The following RELB variants were observed in gnomAD, a reference collection of about 807,000 sequenced individuals.
The protein encoded by RELB is transcription factor RelB.
RELB carries 14 observed loss-of-function variants against 55.4 expected under a neutral mutation model. That is an observed-to-expected ratio of 0.25 (90% CI 0.17 to 0.40). RELB has a LOEUF of 0.40. Among genes scored for constraint, RELB ranks in the 10% least tolerant of loss-of-function variants. RELB has a pLI of 1.00. For synonymous variants in RELB, 409 were observed against 371.3 expected, an observed-to-expected ratio of 1.10 and a Z score of -1.17; for missense variants, 669 against 830.7, an observed-to-expected ratio of 0.81 and a Z score of 2.39.
chr19:45,015,342 G>A (rs1459296348), intron 4 of RELB, among the ~76,000 whole-genome samples: 1 of 152,160 alleles, frequency 6.6e-6, no homozygotes, highest in Non-Finnish European at 1.5e-5. Flanking sequence ...CAGGTACTTT[G>A]CATACCTATT....
At chr19:45,011,797 T>TGTGAGAGAGAGAGAGAGAGAGAGA in intron 3 of RELB, 139 bp from the exon 4 acceptor site, 3 of 68,094 alleles carry the variant, frequency 4.4e-5, no homozygotes, top group East Asian at 3.7e-4. Flanking sequence ...TGTGTGTGTG[T>TGTGAGAGAGAGAGAGAGAGAGAGA]GAGAGAGAGA....
Position 45,032,540 on chromosome 19 carries a change from T to C in RELB, c.998T>C (p.Ile333Thr). Residue 333 changes from isoleucine to threonine, a missense_variant, in exon 9 of 12, where the codon ATA becomes ACA. Around this residue, in one of 3 missense-constraint regions of RELB, gnomAD observed 341 missense variants for 436.8 expected, o/e 0.78. Coordinates refer to ENST00000221452, the MANE Select transcript of RELB (RefSeq NM_006509.4). ...LLCDKVQKED[I>T]SVVFSRASWE... ...GTCCCCCGTTTCCTGCCAGAGGACATATCAGTGGTGTTCAGCAGGGCCTCC... is the reference window on the plus strand; with the variant it reads ...GTCCCCCGTTTCCTGCCAGAGGACACATCAGTGGTGTTCAGCAGGGCCTCC... 2 of 1,612,158 alleles carry C rather than the reference T, an allele frequency of 1.2e-6. No individual in the cohort carries two copies. The highest frequency in any genetic ancestry group is 1.7e-6 in the Non-Finnish European group (2 of 1,179,242).
Position 45,030,191 on chromosome 19 carries a change from C to T in RELB, c.991+1199C>T, listed in dbSNP as rs117781081. Among the ~76,000 whole-genome samples the T allele has an allele frequency of 4.7e-4, 70 of 149,940 alleles. No homozygotes were observed. In the South Asian group the frequency reaches 6.8e-3, roughly 14 times the overall value. The stretch of plus-strand genomic sequence containing the variant: ...CAAAAAATCAAAACCAAAAACAAAC[C>T]GGCTGGGCTGGTGGCTCATGCCTGT... On this transcript the variant is annotated intron_variant, in intron 8 of 11. Coordinates refer to ENST00000221452, the MANE Select transcript of RELB (RefSeq NM_006509.4).
chr19:45,003,048 G>T (rs1971234270), intron 2 of RELB, 52 bp downstream of exon 2: 1 of 1,553,250 alleles, frequency 6.4e-7, no homozygotes, highest in Non-Finnish European at 8.8e-7. Context: ...GATGAGGTTG[G>T]GAGGACTCCA....
intron 3 of RELB, 38 bp from the exon 4 acceptor site, chr19:45,011,898 A>T: frequency 2.3e-6 from 3 of 1,295,816 alleles, no homozygotes; most frequent in Non-Finnish European, 3.1e-6. Context: ...AATTTTTTAA[A>T]GAATGGGCGT....
At position 45,036,397 on chromosome 19, in the gene RELB, T is replaced by A. The variant is rs368792941; in HGVS notation, c.1355-1008T>A. Among the ~76,000 whole-genome samples the A allele has an allele frequency of 9.9e-5, 15 of 152,120 alleles. No individual in the cohort carries two copies. The East Asian group carries it at 1.9e-3, about 20-fold the overall frequency. ...CTGAGAATCCCTCTTATAATGAAAC[T>A]TTTTGATTTGATTGTTATTTTTTCT... On this transcript the variant is annotated intron_variant, in intron 11 of 11. Transcript: ENST00000221452.
At chr19:45,008,789 C>T in intron 2 of RELB, 1 of 306,616 alleles carries the variant, frequency 3.3e-6, no homozygotes, top group South Asian at 2.7e-5. Flanking sequence ...CTGGCTGCAG[C>T]TGCCTTCCGT....
In RELB at chr19:45,038,092, T is replaced by G; in HGVS notation, c.*302T>G. 1 of 310,678 alleles carries G rather than the reference T, an allele frequency of 3.2e-6. No individual in the cohort carries two copies. The highest frequency in any genetic ancestry group is 5.9e-6 in the Non-Finnish European group (1 of 170,208). The allele number at this position is 310,678 out of a possible 1,614,324, so 19.2% of individuals were successfully genotyped here. On this transcript the variant is annotated 3_prime_UTR_variant, in exon 12 of 12. Coordinates refer to ENST00000221452, the MANE Select transcript of RELB (RefSeq NM_006509.4). ...TAGGATTCGGAAAAGATTGTACATA[T>G]GGGAGGAGGGGGCAGATTCCTGGCC...
intron 3 of RELB, 70 bp from the exon 4 acceptor site, chr19:45,011,866 T>A: frequency 1.0e-6 from 1 of 994,362 alleles, no homozygotes; most frequent in Admixed American, 4.3e-5. Context: ...TCGGGGGTAA[T>A]CAAGCCTTTT....
intron 8 of RELB, among the ~76,000 whole-genome samples, chr19:45,031,317 G>T (rs1002860770): frequency 5.9e-5 from 9 of 151,850 alleles, no homozygotes; most frequent in Non-Finnish European, 1.3e-4. Context: ...TAGAGACAAG[G>T]TCTTGCTGTG....
intron 8 of RELB, among the ~76,000 whole-genome samples, chr19:45,031,736 C>T (rs62117227): frequency 0.25 from 38,414 of 151,008 alleles, 5,300 homozygotes; most frequent in South Asian, 0.31. Context: ...CCACCATGCC[C>T]GGCTAATTTT....
chr19:45,011,756 C>CTGTGTGTGTGTGTGTGTGTGTGTGTG, intron 3 of RELB, among the ~76,000 whole-genome samples, 180 bp from the exon 4 acceptor site: 1 of 59,898 alleles, frequency 1.7e-5, no homozygotes, highest in Non-Finnish European at 3.2e-5. Context: ...CTCCCTGACT[C>CTGTGTGTGTGTGTGTGTGTGTGTGTG]TGTGTGTGTG....
chr19:45,023,561 G>A (rs929026659), intron 5 of RELB, among the ~76,000 whole-genome samples: 2 of 140,262 alleles, frequency 1.4e-5, no homozygotes, highest in African/African-American at 5.4e-5. Flanking sequence ...CCTCAGCCTC[G>A]CAAGTAGCTG....
In RELB at chr19:45,002,949, G is replaced by T. The variant is rs754937434; in HGVS notation, c.107G>T (p.Gly36Val). ...PPAAPELGALGSPDLSSLSLA... is the reference protein window; with the variant it reads ...PPAAPELGALVSPDLSSLSLA... The stretch of plus-strand genomic sequence containing the variant: ...CTGAGACGTTTCTCCTTCTCTGCAG[G>T]GTCCCCCGACCTCTCCTCACTCTCG... The change falls in exon 2 of 12, where the codon GGG becomes GTG. Residue 36 changes from glycine to valine, a missense_variant and splice_region_variant. By Grantham distance (109) the Gly-to-Val change is moderately radical (BLOSUM62 -3). This residue lies in a region of RELB where 323 missense variants were observed against 368.5 expected (regional missense o/e 0.88). Coordinates refer to ENST00000221452, the MANE Select transcript of RELB (RefSeq NM_006509.4). 3 of 1,612,986 alleles carry T rather than the reference G, an allele frequency of 1.9e-6. No homozygotes were observed. In the African/African-American group the frequency reaches 4.0e-5, roughly 22 times the overall value.
At position 45,025,429 on chromosome 19, in the gene RELB, C is replaced by G; in HGVS notation, c.754+9C>G. ...CATTGACCCCTACAACGGTGAGCAC[C>G]CCCTGCCTGACCTGACCATCCCGTC... is the stretch of plus-strand genomic sequence containing the variant. On this transcript the variant is annotated intron_variant, in intron 6 of 11. Transcript: ENST00000221452. 6.2e-7 allele frequency: 1 copy of G among 1,607,808 alleles called. No individual in the cohort carries two copies. Among genetic ancestry groups the G allele is most frequent in the Non-Finnish European group, 8.5e-7 (1 of 1,176,580 alleles).
At chr19:45,003,248 G>A (rs1971236860) in intron 2 of RELB, among the ~76,000 whole-genome samples, 1 of 152,178 alleles carries the variant, frequency 6.6e-6, no homozygotes, top group South Asian at 2.1e-4. Context: ...GAGGCGGACG[G>A]ATCACGAGGT....
intron 4 of RELB, among the ~76,000 whole-genome samples, chr19:45,013,974 G>A (rs1056349578): frequency 9.2e-5 from 14 of 152,130 alleles, no homozygotes; most frequent in African/African-American, 2.9e-4. Context: ...CACATCAAGG[G>A]ACGTGGGATG....
At chr19:45,010,716 C>T (rs1409286871) in intron 3 of RELB, among the ~76,000 whole-genome samples, 6 of 152,080 alleles carry the variant, frequency 3.9e-5, no homozygotes, top group South Asian at 2.1e-4. Context: ...CTCGCTCTGT[C>T]GCCCAGGCTG....
intron 1 of RELB, among the ~76,000 whole-genome samples, chr19:45,002,165 G>A (rs1971220354): frequency 6.6e-6 from 1 of 151,588 alleles, no homozygotes; most frequent in Non-Finnish European, 1.5e-5. Context: ...CCGAAAGAAG[G>A]GGAAGGGGCG....
Sources: gnomAD v4.1 joint callset for allele counts (sites outside exome capture counted in the v4.1 genomes callset) on GRCh38, gnomAD v4.1.1 for gene constraint, gnomAD v4.1.1 regional missense constraint, MANE v1.5 for transcripts, NCBI Gene and HGNC (gene_info 2026-07-23, HGNC 2026-07-21) for gene names.